BICRAL: variants seen among roughly 807,000 people sequenced by gnomAD.
BICRAL encodes the protein BICRA like chromatin remodeling complex associated protein.
BICRAL carries 8 observed loss-of-function variants against 91.8 expected under a neutral mutation model. The observed-to-expected ratio is 0.09, with a 90% CI of 0.05 to 0.16. The LOEUF (loss-of-function observed/expected upper bound fraction) is 0.16, where lower values mean the gene tolerates loss of function less well. BICRAL is among the 10% of genes least tolerant of loss of function. BICRAL has a pLI of 1.00. For missense variants in BICRAL, 1,038 were observed against 1,310.9 expected, an observed-to-expected ratio of 0.79 and a Z score of 3.21; for synonymous variants, 445 against 491.1, an observed-to-expected ratio of 0.91 and a Z score of 1.24.
rs773793823 is a variant in BICRAL at position 42,867,871 on chromosome 6, A to T, written c.*2425A>T. On this transcript the variant is annotated 3_prime_UTR_variant, in exon 13 of 13. Transcript: ENST00000314073. ...ACTTTTTATGGAGGAAGGATTCTAG[A>T]TAATGACAAATGAAGATTATGACAT... 1.3e-5 allele frequency: 2 copies of T among 152,388 alleles called. No homozygotes were observed. Among genetic ancestry groups the T allele is most frequent in the African/African-American group, 4.8e-5 (2 of 41,462 alleles). 9.4% of individuals were successfully genotyped at this position (152,388 alleles called of 1,614,324 possible).
intron 5 of BICRAL, among the ~76,000 whole-genome samples, chr6:42,824,999 G>T (rs907440312): frequency 1.3e-5 from 2 of 152,122 alleles, no homozygotes; most frequent in African/African-American, 4.8e-5. Context: ...AGTGGCTTAC[G>T]CCTCTAATCC....
At chr6:42,747,479 A>G (rs564813492) in intron 1 of BICRAL, among the ~76,000 whole-genome samples, 45 of 152,298 alleles carry the variant, frequency 3.0e-4, no homozygotes, top group Admixed American at 2.2e-3. Flanking sequence ...CATTGAATTA[A>G]ATCTGAGTTA....
intron 2 of BICRAL, among the ~76,000 whole-genome samples, chr6:42,814,447 A>ATG (rs1177351967): frequency 3.5e-5 from 5 of 142,724 alleles, no homozygotes; most frequent in Admixed American, 7.1e-5. Flanking sequence ...ATGTATGTAT[A>ATG]TGTATATATA....
chr6:42,816,146 G>A (rs1763988711), intron 2 of BICRAL, among the ~76,000 whole-genome samples: 1 of 151,532 alleles, frequency 6.6e-6, no homozygotes, highest in South Asian at 2.1e-4. Flanking sequence ...TCACTTAAGT[G>A]CAGCAGTTCG....
chr6:42,790,967 C>T (rs1237133574), intron 1 of BICRAL, among the ~76,000 whole-genome samples: 1 of 151,878 alleles, frequency 6.6e-6, no homozygotes, highest in Admixed American at 6.6e-5. Flanking sequence ...AAAAGGAAAG[C>T]CCTGAGGTGG....
upstream of BICRAL, among the ~76,000 whole-genome samples, chr6:42,746,378 G>A (rs1278930902): frequency 6.6e-6 from 1 of 152,084 alleles, no homozygotes; most frequent in African/African-American, 2.4e-5. Flanking sequence ...TTGCAGCAGC[G>A]GCAGCTGCAC....
intron 6 of BICRAL, among the ~76,000 whole-genome samples, chr6:42,833,499 G>C (rs1182974417): frequency 6.6e-6 from 1 of 151,884 alleles, no homozygotes; most frequent in Non-Finnish European, 1.5e-5. Context: ...CCAGGCTAGA[G>C]TGCAGTGGTA....
chr6:42,773,341 G>A (rs1762764341), intron 1 of BICRAL, among the ~76,000 whole-genome samples: 1 of 151,810 alleles, frequency 6.6e-6, no homozygotes, highest in Admixed American at 6.6e-5. Context: ...GCCTCCCAAA[G>A]TGCTGGGATT....
chr6:42,855,860 A>G lies in BICRAL; in HGVS notation c.2051A>G (p.Glu684Gly). The change falls in exon 9 of 13, where the codon GAG (glutamate) becomes GGG (glycine). Residue 684 changes from glutamate (E) to glycine (G), a missense_variant. Glu to Gly is a moderately conservative substitution (Grantham distance 98). This residue lies in a region of BICRAL where 532 missense variants were observed against 724.9 expected (regional missense o/e 0.73). Coordinates refer to ENST00000314073, the MANE Select transcript of BICRAL (RefSeq NM_001393499.1). ...SSPGHPAVQVESHSGGQKRPA... is the reference protein window; with the variant it reads ...SSPGHPAVQVGSHSGGQKRPA... ...AGAGGTTTGTTTTGTCTTTAGGTGG[A>G]GAGTCATTCGGGAGGACAAAAAAGG... The G allele has an allele frequency of 6.2e-7, 1 of 1,612,592 alleles. No homozygotes were observed.
chr6:42,820,653 G>C (rs1764111486), intron 2 of BICRAL, among the ~76,000 whole-genome samples: 1 of 152,182 alleles, frequency 6.6e-6, no homozygotes, highest in Non-Finnish European at 1.5e-5. Flanking sequence ...GTTCTAAAAA[G>C]CAGATTTCAC....
chr6:42,858,687 C>A (rs909577304), intron 10 of BICRAL, among the ~76,000 whole-genome samples: 36 of 151,766 alleles, frequency 2.4e-4, no homozygotes, highest in Non-Finnish European at 4.6e-4. Flanking sequence ...CGTGGTGGCA[C>A]ATGCCTGTAA....
intron 6 of BICRAL, among the ~76,000 whole-genome samples, chr6:42,836,608 C>A (rs995682619): frequency 6.8e-6 from 1 of 147,882 alleles, no homozygotes; most frequent in East Asian, 2.0e-4. Context: ...TATTTGCTTT[C>A]TGTGTAGTTT....
chr6:42,786,291 G>A (rs4711727), intron 1 of BICRAL, among the ~76,000 whole-genome samples: 72,383 of 152,012 alleles, frequency 0.48, 18,933 homozygotes, highest in African/African-American at 0.7. Context: ...ACATTGGAAA[G>A]TTTTTGTAAG....
Position 42,823,019 on chromosome 6 carries a change from T to G in BICRAL, c.159+16T>G. The G allele has an allele frequency of 6.6e-7, 1 of 1,503,826 alleles. No individual in the cohort carries two copies. Among genetic ancestry groups the G allele is most frequent in the Non-Finnish European group, 9.3e-7 (1 of 1,079,460 alleles). 93.2% of individuals were successfully genotyped at this position (1,503,826 alleles called of 1,614,324 possible). A position where few individuals can be genotyped will look rare whatever the true frequency, so the allele number is the denominator to read the frequency against. ...CAACTCTAGTGTGAGTATTGGAAAC[T>G]AAATGCAATGATTGAATGGTTTCTG... is the stretch of plus-strand genomic sequence containing the variant. On this transcript the variant is annotated intron_variant, in intron 5 of 12. Transcript: ENST00000314073.
chr6:42,818,388 A>G (rs1375421774), intron 2 of BICRAL, among the ~76,000 whole-genome samples: 2 of 152,056 alleles, frequency 1.3e-5, no homozygotes, highest in African/African-American at 4.8e-5. Flanking sequence ...AGAGCTCTTT[A>G]TGTATTAGGG....
intron 6 of BICRAL, among the ~76,000 whole-genome samples, chr6:42,844,506 C>A: frequency 2.6e-5 from 1 of 38,244 alleles, no homozygotes; most frequent in African/African-American, 8.4e-5. Context: ...AAGACTCCAT[C>A]TCAAAAAAAA....
rs888632153 is a variant in BICRAL, at chr6:42,867,220, C to G, written c.*1774C>G. On this transcript the variant is annotated 3_prime_UTR_variant, in exon 13 of 13. Transcript: ENST00000314073. ...AAAACACAGCAACAGAAGACCTATA[C>G]CCCGGTGCCCCTGTGTCCCACTACA... 1 of 188,890 alleles carries G rather than the reference C, an allele frequency of 5.3e-6. No individual in the cohort carries two copies. The highest frequency in any genetic ancestry group is 2.3e-5 in the African/African-American group (1 of 42,920). 11.7% of individuals were successfully genotyped at this position (188,890 alleles called of 1,614,324 possible).
At chr6:42,857,614 AATATAT>A (rs1554283186) in intron 10 of BICRAL, among the ~76,000 whole-genome samples, 1 of 96,242 alleles carries the variant, frequency 1.0e-5, no homozygotes, top group African/African-American at 6.5e-5. Flanking sequence ...AAAAAAAAAA[AATATAT>A]ATATATATAT....
intron 5 of BICRAL, among the ~76,000 whole-genome samples, chr6:42,824,796 AT>A (rs1353624580): frequency 6.6e-6 from 1 of 152,246 alleles, no homozygotes; most frequent in Non-Finnish European, 1.5e-5. Context: ...ACACTTGAGC[AT>A]TTAGTATGTG....
Sources: gnomAD v4.1 joint callset for allele counts (sites outside exome capture counted in the v4.1 genomes callset) on GRCh38, gnomAD v4.1.1 for gene constraint, gnomAD v4.1.1 regional missense constraint, MANE v1.5 for transcripts, NCBI Gene and HGNC (gene_info 2026-07-23, HGNC 2026-07-21) for gene names.